Variants in WARS2 observed in about 807,000 individuals in gnomAD.
The protein encoded by WARS2 is tryptophanyl tRNA synthetase 2, mitochondrial.
A neutral mutation model predicts 36.5 loss-of-function variants in WARS2; 28 were observed. The observed-to-expected ratio is 0.77, with a 90% confidence interval of 0.57 to 1.05. The LOEUF (loss-of-function observed/expected upper bound fraction) is 1.05, where lower values mean the gene tolerates loss of function less well. WARS2 is among the 50% of genes least tolerant of loss of function. The probability of loss-of-function intolerance (pLI) is 0.00; values close to 1 mark genes in which losing one functional copy is unlikely to be tolerated. For missense variants in WARS2, 435 were observed against 456.8 expected (o/e 0.95, Z 0.44); for synonymous variants, 174 against 178.4 (o/e 0.98, Z 0.20).
chr1:119,127,308 A>C, intron 1 of WARS2: 1 of 628,110 alleles, frequency 1.6e-6, no homozygotes, highest in African/African-American at 1.8e-5. Flanking sequence ...GCTCAGAGCC[A>C]AAAACTGAGA....
intron 1 of WARS2, among the ~76,000 whole-genome samples, chr1:119,087,999 C>G (rs912654396): frequency 1.3e-5 from 2 of 152,116 alleles, no homozygotes; most frequent in African/African-American, 4.8e-5. Flanking sequence ...ATTCTAAGAG[C>G]GGGGCTTATC....
chr1:119,134,511 C>A (rs761132105), intron 1 of WARS2, among the ~76,000 whole-genome samples: 119 of 152,098 alleles, frequency 7.8e-4, no homozygotes, highest in Non-Finnish European at 1.5e-3. Flanking sequence ...CCTAACAGAA[C>A]TCAGGTGATG....
intron 1 of WARS2, among the ~76,000 whole-genome samples, chr1:119,101,072 G>C (rs1653822333): frequency 6.6e-6 from 1 of 152,168 alleles, no homozygotes; most frequent in South Asian, 2.1e-4. Context: ...GTGTGGGTGA[G>C]AGGGGAGGAT....
intron 1 of WARS2, among the ~76,000 whole-genome samples, chr1:119,134,345 A>G (rs189894479): frequency 0.016 from 2,345 of 144,396 alleles, 69 homozygotes; most frequent in African/African-American, 0.057. Context: ...AAAAAAACAA[A>G]GACAAAAACA....
chr1:119,084,304 T>C (rs1652448812), intron 1 of WARS2, among the ~76,000 whole-genome samples: 1 of 152,100 alleles, frequency 6.6e-6, no homozygotes, highest in African/African-American at 2.4e-5. Flanking sequence ...TCTTGTTTAA[T>C]GGGTACAGGG....
intron 1 of WARS2, among the ~76,000 whole-genome samples, chr1:119,116,063 A>G (rs962624492): frequency 3.3e-5 from 5 of 152,240 alleles, no homozygotes; most frequent in African/African-American, 1.2e-4. Context: ...CACTCTAAGT[A>G]CATTTGTATA....
In WARS2 at chr1:119,068,606, G is replaced by C. The variant is rs76684941; in HGVS notation, c.348+7744C>G. Among the ~76,000 whole-genome samples the C allele has an allele frequency of 1.7e-4, 26 of 152,242 alleles. No individual in the cohort carries two copies. The East Asian group carries it at 3.9e-3, about 23-fold the overall frequency. ...TGCCTTGGCAGAAATCCAGTGCCTAGAGCTATGTCCTCCACTTTTTATCTT... is the reference window on the plus strand; with the variant it reads ...TGCCTTGGCAGAAATCCAGTGCCTACAGCTATGTCCTCCACTTTTTATCTT... On this transcript the variant is annotated intron_variant, in intron 2 of 5. Transcript: ENST00000235521.
intron 2 of WARS2, among the ~76,000 whole-genome samples, chr1:119,060,052 T>C (rs1339033825): frequency 2.0e-5 from 3 of 152,184 alleles, no homozygotes; most frequent in South Asian, 4.2e-4. Context: ...AGTTTACCTA[T>C]GTAACAAACC....
intron 1 of WARS2, among the ~76,000 whole-genome samples, chr1:119,107,308 A>C (rs894818034): frequency 4.6e-5 from 7 of 152,140 alleles, no homozygotes; most frequent in African/African-American, 1.7e-4. Flanking sequence ...TTATAATTGT[A>C]ATGAAGTGCA....
chr1:119,058,122 TG>T (rs1571291732), intron 2 of WARS2, among the ~76,000 whole-genome samples: 1 of 152,138 alleles, frequency 6.6e-6, no homozygotes, highest in East Asian at 1.9e-4. Context: ...GGTTTTAAGT[TG>T]ATCTTTTTTG....
Position 119,140,614 on chromosome 1 carries a change from C to A in WARS2, c.31G>T (p.Glu11Ter). 1 of 1,613,872 alleles carries A rather than the reference C, an allele frequency of 6.2e-7. No homozygotes were observed. Among genetic ancestry groups the A allele is most frequent in the South Asian group, 1.1e-5 (1 of 91,028 alleles). ...AGTGCCCGGATGAAGCTCCAGCGCT[C>A]ACGCGCTTTCCGCATTGAGTGCAGC... MALHSMRKAR[E>*]RWSFIRALHK... The change falls in exon 1 of 6, where the codon GAG (glutamate) becomes TAG (stop). Residue 11 changes from glutamate (E) to a stop codon, truncating the protein, a stop_gained. Transcript: ENST00000235521. LOFTEE classifies it high-confidence loss of function.
chr1:119,046,855 TC>T (rs763315322), intron 2 of WARS2, among the ~76,000 whole-genome samples: 1 of 152,030 alleles, frequency 6.6e-6, no homozygotes, highest in Non-Finnish European at 1.5e-5. Context: ...CCAAATGTGT[TC>T]TTTGTGGGTT....
intron 3 of WARS2, 150 bp downstream of exon 3, chr1:119,045,432 T>C (rs987195078): frequency 1.6e-6 from 1 of 644,444 alleles, no homozygotes; most frequent in Non-Finnish European, 2.7e-6. Context: ...ATTTTCCTTT[T>C]AATACCCTGA....
intron 1 of WARS2, among the ~76,000 whole-genome samples, chr1:119,135,393 T>A (rs1242720374): frequency 1.3e-5 from 2 of 152,224 alleles, no homozygotes; most frequent in African/African-American, 2.4e-5. Context: ...TTTGCTTTTA[T>A]CTGTTTTATA....
intron 1 of WARS2, chr1:119,126,904 T>C (rs181878173): frequency 6.3e-6 from 5 of 799,540 alleles, no homozygotes; most frequent in Admixed American, 3.7e-5. Context: ...TTGCATTTTT[T>C]AGTAAAACCA....
chr1:119,042,074 T>C (rs1318061115), intron 4 of WARS2, among the ~76,000 whole-genome samples, 190 bp downstream of exon 4: 1 of 152,220 alleles, frequency 6.6e-6, no homozygotes, highest in Non-Finnish European at 1.5e-5. Flanking sequence ...ACTTCTATAA[T>C]GTAGTACATT....
chr1:119,032,787 C>A lies in WARS2; in HGVS notation c.*124G>T. ...CAAAGCAATATTCATCAAATAAAGC[C>A]AATAATCAGCTATACCAAATTAAAT... On this transcript the variant is annotated 3_prime_UTR_variant, in exon 6 of 6. Transcript: ENST00000235521. The A allele has an allele frequency of 1.1e-6, 1 of 890,772 alleles. No homozygotes were observed. The highest frequency in any genetic ancestry group is 1.7e-6 in the Non-Finnish European group (1 of 594,218). The allele number at this position is 890,772 out of a possible 1,614,324, so 55.2% of individuals were successfully genotyped here.
At chr1:119,073,102 C>A (rs1042620648) in intron 2 of WARS2, among the ~76,000 whole-genome samples, 4 of 150,778 alleles carry the variant, frequency 2.7e-5, no homozygotes, top group African/African-American at 9.8e-5. Flanking sequence ...GAGCTATGAT[C>A]ACACTACTGC....
Position 119,100,811 on chromosome 1 carries a change from T to C in WARS2, c.91-24204A>G, listed in dbSNP as rs1027948057. On this transcript the variant is annotated intron_variant, in intron 1 of 5. Coordinates refer to ENST00000235521, the MANE Select transcript of WARS2 (RefSeq NM_015836.4). ...GAATAGCCACACCAGTTAATTTTTG[T>C]ATTTGTTGTAGAGATGGGATTTCAC... is the stretch of plus-strand genomic sequence containing the variant. Among the ~76,000 whole-genome samples the C allele has an allele frequency of 9.2e-5, 14 of 152,232 alleles. 1 individual carries two copies. The Middle Eastern group carries it at 0.014, about 148-fold the overall frequency.
Sources: gnomAD v4.1 joint callset for allele counts (sites outside exome capture counted in the v4.1 genomes callset) on GRCh38, gnomAD v4.1.1 for gene constraint, MANE v1.5 for transcripts, NCBI Gene and HGNC (gene_info 2026-07-23, HGNC 2026-07-21) for gene names.